The following TDRD10 variants were observed in gnomAD, a reference collection of about 807,000 sequenced individuals.
TDRD10 encodes tudor domain-containing protein 10.
TDRD10 carries 40 observed loss-of-function variants against 48.0 expected under a neutral mutation model. That is an observed-to-expected ratio of 0.83 (90% confidence interval 0.65 to 1.09). The LOEUF (loss-of-function observed/expected upper bound fraction) is 1.09. TDRD10 is among the 50% of genes least tolerant of loss of function. The pLI is 0.00. For synonymous variants in TDRD10, 162 were observed against 170.4 expected (o/e 0.95, Z 0.38); for missense variants, 378 against 434.7 (o/e 0.87, Z 1.16).
At chr1:154,540,659 TG>T (rs1400153309) in intron 6 of TDRD10, among the ~76,000 whole-genome samples, 2 of 152,158 alleles carry the variant, frequency 1.3e-5, no homozygotes, top group Non-Finnish European at 2.9e-5. Flanking sequence ...TCCTGTCAAG[TG>T]GACATCACAT....
At chr1:154,505,726 T>C (rs963227669) in intron 1 of TDRD10, among the ~76,000 whole-genome samples, 1 of 152,190 alleles carries the variant, frequency 6.6e-6, no homozygotes, top group Non-Finnish European at 1.5e-5. Flanking sequence ...TATAATTTTA[T>C]AAAATCACCT....
At chr1:154,519,369 T>C (rs1693934025) in intron 4 of TDRD10, among the ~76,000 whole-genome samples, 1 of 152,256 alleles carries the variant, frequency 6.6e-6, no homozygotes, top group African/African-American at 2.4e-5. Context: ...TGGAAGATGG[T>C]ATAAATATCA....
chr1:154,516,377 G>A (rs1031416797), intron 4 of TDRD10, among the ~76,000 whole-genome samples: 4 of 151,994 alleles, frequency 2.6e-5, no homozygotes, highest in Non-Finnish European at 4.4e-5. Context: ...GGAAGGGATC[G>A]GGGCAGGGAC....
At chr1:154,513,943 A>G (rs1286104868) in intron 4 of TDRD10, among the ~76,000 whole-genome samples, 4 of 152,214 alleles carry the variant, frequency 2.6e-5, no homozygotes, top group Non-Finnish European at 4.4e-5. Context: ...TAATCCTAGC[A>G]GTTTGGGAGG....
At chr1:154,515,733 A>G (rs763307788) in intron 4 of TDRD10, among the ~76,000 whole-genome samples, 1 of 151,810 alleles carries the variant, frequency 6.6e-6, no homozygotes, top group Non-Finnish European at 1.5e-5. Context: ...TTATTTTTTG[A>G]GATGGAATTT....
intron 8 of TDRD10, among the ~76,000 whole-genome samples, chr1:154,543,540 C>T (rs547717106): frequency 4.3e-4 from 65 of 152,232 alleles, no homozygotes; most frequent in African/African-American, 1.3e-3. Flanking sequence ...TTGGAATGTG[C>T]GTAGACGCAG....
At chr1:154,532,617 G>C (rs1694695890) in intron 6 of TDRD10, among the ~76,000 whole-genome samples, 1 of 152,216 alleles carries the variant, frequency 6.6e-6, no homozygotes, top group South Asian at 2.1e-4. Flanking sequence ...TGCGAGGGCT[G>C]CCAGCACGCT....
chr1:154,546,044 A>G (rs1422593520), intron 11 of TDRD10, among the ~76,000 whole-genome samples: 1 of 139,690 alleles, frequency 7.2e-6, no homozygotes, highest in African/African-American at 2.7e-5. Context: ...AAGTGCTGGG[A>G]TTACAGCTGT....
rs542223754 is a variant in TDRD10 at position 154,540,900 on chromosome 1, A to G, written c.370-1124A>G. On this transcript the variant is annotated intron_variant, in intron 6 of 12. Coordinates refer to ENST00000368482, the MANE Select transcript of TDRD10 (RefSeq NM_182499.4). The stretch of plus-strand genomic sequence containing the variant: ...GATGCCAAGAGATGCGTTTCTGCAA[A>G]GAGGGAGCAGAGGGAATACTGCAGG... Among the ~76,000 whole-genome samples, 8 of 152,332 alleles carry G rather than the reference A, an allele frequency of 5.3e-5. No individual in the cohort carries two copies. In the South Asian group the frequency reaches 1.2e-3, roughly 24 times the overall value.
chr1:154,538,597 T>C (rs2149347096), intron 6 of TDRD10, among the ~76,000 whole-genome samples: 1 of 144,314 alleles, frequency 6.9e-6, no homozygotes, highest in South Asian at 2.2e-4. Flanking sequence ...CTCATGCCTG[T>C]AATCCCAGCA....
chr1:154,542,635 C>T, intron 7 of TDRD10, 96 bp from the exon 8 acceptor site: 1 of 921,656 alleles, frequency 1.1e-6, no homozygotes, highest in East Asian at 2.5e-5. Context: ...TTTTATGCTT[C>T]CTTGGAGGGC....
intron 8 of TDRD10, 115 bp downstream of exon 8, chr1:154,542,936 T>C (rs1695327383): frequency 7.8e-6 from 6 of 767,620 alleles, no homozygotes; most frequent in Non-Finnish European, 1.3e-5. Context: ...CGGGAACTCC[T>C]GTGTCAGACC....
intron 1 of TDRD10, among the ~76,000 whole-genome samples, chr1:154,503,362 C>G (rs888199703): frequency 6.6e-6 from 1 of 152,198 alleles, no homozygotes; most frequent in African/African-American, 2.4e-5. Flanking sequence ...CCGAGGCGGG[C>G]AGATCACCTG....
chr1:154,514,120 G>A (rs1332354150), intron 4 of TDRD10, among the ~76,000 whole-genome samples: 1 of 152,216 alleles, frequency 6.6e-6, no homozygotes, highest in Admixed American at 6.5e-5. Flanking sequence ...AACTGGGGAG[G>A]CGGAGGTTGC....
intron 11 of TDRD10, among the ~76,000 whole-genome samples, chr1:154,546,608 C>G (rs990581312): frequency 2.0e-5 from 3 of 151,978 alleles, no homozygotes; most frequent in African/African-American, 7.2e-5. Context: ...CAGAGGTTGT[C>G]TTGGGTCATT....
rs776117309 is a variant in TDRD10, at chr1:154,544,954, G to A, written c.952+5G>A. 2 of 1,613,782 alleles carry A rather than the reference G, an allele frequency of 1.2e-6. No individual in the cohort carries two copies. The highest frequency in any genetic ancestry group is 2.2e-5 in the South Asian group (2 of 91,024). On this transcript the variant is annotated splice_donor_5th_base_variant and intron_variant, in intron 11 of 12. Transcript: ENST00000368482. ...AGCCATTCATGCTGGAGAAAGGTGA[G>A]ACATCTTCTATCTTCCTCCCAAGGG...
chr1:154,526,203 CAA>C lies in TDRD10; in HGVS notation c.369+4739_369+4740del, dbSNP rs58688953. On this transcript the variant is annotated intron_variant, in intron 6 of 12. Coordinates refer to ENST00000368482, the MANE Select transcript of TDRD10 (RefSeq NM_182499.4). ...CTGGTGACAGAGTGAGACTTCATCT[CAA>C]AAAAAAAAAAAAAAGAAACTTGACA... Among the ~76,000 whole-genome samples, 202 of 110,390 alleles carry C rather than the reference CAA, an allele frequency of 1.8e-3. 1 individual carries two copies. The highest frequency in any genetic ancestry group is 2.1e-3 in the Admixed American group (22 of 10,678). The allele number at this position is 110,390 out of a possible 152,430, so 72.4% of individuals were successfully genotyped here. A position where few individuals can be genotyped will look rare whatever the true frequency, so the allele number is the denominator to read the frequency against.
intron 1 of TDRD10, among the ~76,000 whole-genome samples, chr1:154,506,627 C>T (rs1275219086): frequency 6.6e-5 from 10 of 152,206 alleles, no homozygotes; most frequent in Non-Finnish European, 1.2e-4. Context: ...CCACCCGCCT[C>T]GGCCTCCCAA....
At position 154,520,299 on chromosome 1, in the gene TDRD10, TGTA is replaced by T. The variant is rs1557820600; in HGVS notation, c.142-3_142-1del. The T allele has an allele frequency of 5.0e-6, 8 of 1,610,956 alleles. No individual in the cohort carries two copies. Among genetic ancestry groups the T allele is most frequent in the Non-Finnish European group, 5.9e-6 (7 of 1,177,088 alleles). Reference sequence around the variant, plus strand: ...GTCTCTCTCTTTTAAACCCTGCTGTTGTAGGAGGAAATTCTGTACCTTCTAAAG... The same window carrying T: ...GTCTCTCTCTTTTAAACCCTGCTGTTGGAGGAAATTCTGTACCTTCTAAAG... On this transcript the variant is annotated splice_acceptor_variant and splice_polypyrimidine_tract_variant and intron_variant, in intron 4 of 12. Transcript: ENST00000368482. LOFTEE classifies it high-confidence loss of function.
Sources: gnomAD v4.1 joint callset for allele counts (sites outside exome capture counted in the v4.1 genomes callset) on GRCh38, gnomAD v4.1.1 for gene constraint, MANE v1.5 for transcripts, NCBI Gene and HGNC (gene_info 2026-07-23, HGNC 2026-07-21) for gene names.